The following PTGER3 variants were observed in gnomAD, a reference collection of about 807,000 sequenced individuals.
The protein encoded by PTGER3 is prostaglandin E receptor 3.
A neutral mutation model predicts 34.7 loss-of-function variants in PTGER3; 22 were observed. That is an observed-to-expected ratio of 0.63 (90% confidence interval 0.45 to 0.91). PTGER3 has a LOEUF of 0.91. Among genes scored for constraint, PTGER3 ranks in the 40% least tolerant of loss-of-function variants. The pLI, the probability that PTGER3 is intolerant of heterozygous loss-of-function variation, is 0.00. For missense variants in PTGER3, 468 were observed against 519.4 expected (o/e 0.90, Z 0.96); for synonymous variants, 241 against 230.1 (o/e 1.05, Z -0.43).
At chr1:71,045,151 C>T (rs1166214872) in intron 1 of PTGER3, among the ~76,000 whole-genome samples, 1 of 152,162 alleles carries the variant, frequency 6.6e-6, no homozygotes, top group Non-Finnish European at 1.5e-5. Context: ...CTCAGCATAA[C>T]ACTCCTTGTC....
At chr1:70,904,494 T>A (rs1228229212) in intron 4 of PTGER3, among the ~76,000 whole-genome samples, 1 of 152,192 alleles carries the variant, frequency 6.6e-6, no homozygotes, top group East Asian at 1.9e-4. Flanking sequence ...GATAGTGATA[T>A]GAACGATAAA....
intron 4 of PTGER3, among the ~76,000 whole-genome samples, chr1:70,887,341 T>A (rs1646520005): frequency 6.6e-6 from 1 of 152,190 alleles, no homozygotes; most frequent in East Asian, 1.9e-4. Context: ...AGCTTTAGGT[T>A]ATGGTCTGCT....
intron 4 of PTGER3, among the ~76,000 whole-genome samples, chr1:70,907,043 T>C (rs1414799355): frequency 2.0e-5 from 3 of 152,186 alleles, no homozygotes; most frequent in East Asian, 1.9e-4. Context: ...TCTTAGCAAG[T>C]TGTATTAGAT....
At chr1:70,962,427 T>C (rs1177912467) in intron 2 of PTGER3, among the ~76,000 whole-genome samples, 1 of 150,746 alleles carries the variant, frequency 6.6e-6, no homozygotes, top group Non-Finnish European at 1.5e-5. Context: ...AACTGGGCAG[T>C]GTATTAGTCT....
chr1:70,924,075 C>T (rs905981861), intron 4 of PTGER3, among the ~76,000 whole-genome samples: 1 of 152,062 alleles, frequency 6.6e-6, no homozygotes, highest in Non-Finnish European at 1.5e-5. Flanking sequence ...GGCCCAGGAG[C>T]CCCAAGTTAT....
chr1:70,858,816 A>T (rs908894129), intron 4 of PTGER3, among the ~76,000 whole-genome samples: 2 of 152,170 alleles, frequency 1.3e-5, no homozygotes, highest in African/African-American at 4.8e-5. Flanking sequence ...TGTTTCAACT[A>T]CCTCACAGAG....
rs1202063784 is a variant in PTGER3 at position 70,920,173 on chromosome 1, A to G, written c.*23+33590T>C. ...AGAATATGGGTGACAAGGTGAAATG[A>G]AGAATATGAGTGACAAGGTGAAATG... is the stretch of plus-strand genomic sequence containing the variant. On this transcript the variant is annotated intron_variant, in intron 4 of 4. Coordinates refer to the PTGER3 transcript ENST00000370931. 2.0e-5 allele frequency among the ~76,000 whole-genome samples: 3 copies of G among 152,190 alleles called. No individual in the cohort carries two copies. In the East Asian group the frequency reaches 5.8e-4, roughly 29 times the overall value.
chr1:70,967,599 T>C (rs1343060888), downstream of PTGER3, among the ~76,000 whole-genome samples: 1 of 152,154 alleles, frequency 6.6e-6, no homozygotes, highest in Non-Finnish European at 1.5e-5. Context: ...ATTTTTAGTA[T>C]GGCAATTAAA....
chr1:70,860,306 CTTCAT>C (rs1196496651), intron 4 of PTGER3, among the ~76,000 whole-genome samples: 1 of 152,122 alleles, frequency 6.6e-6, no homozygotes. Context: ...TTTTATTCAA[CTTCAT>C]TTCATTATAA....
At chr1:70,931,503 C>A (rs1230945595) in intron 4 of PTGER3, among the ~76,000 whole-genome samples, 1 of 152,230 alleles carries the variant, frequency 6.6e-6, no homozygotes, top group Non-Finnish European at 1.5e-5. Flanking sequence ...GCCCCTGCAG[C>A]AAACTTTCTC....
chr1:70,953,918 A>C, intron 2 of PTGER3: 1 of 483,112 alleles, frequency 2.1e-6, no homozygotes, highest in South Asian at 3.2e-5. Context: ...AAATAGACTA[A>C]AAGTATAGCA....
intron 4 of PTGER3, among the ~76,000 whole-genome samples, chr1:70,901,581 C>T (rs1646839909): frequency 6.6e-6 from 1 of 152,126 alleles, no homozygotes; most frequent in South Asian, 2.1e-4. Context: ...GCTGCACTGG[C>T]ACCATGATTA....
At chr1:70,947,296 A>G (rs1224079361) in intron 4 of PTGER3, 1 of 152,144 alleles carries the variant, frequency 6.6e-6, no homozygotes, top group African/African-American at 2.4e-5. Flanking sequence ...AGGTAAATGA[A>G]TCATGGGGGC....
chr1:71,009,133 C>G lies in PTGER3; in HGVS notation c.1077+3172G>C, dbSNP rs1333113146. On this transcript the variant is annotated intron_variant, in intron 2 of 3. Coordinates refer to ENST00000306666, the MANE Select transcript of PTGER3 (RefSeq NM_198719.2). ...TAAAAAGCGTTGAATAAATAAAAAG[C>G]CTAATCTACTTGAAAATCCAATATT... 5.1e-6 allele frequency: 5 copies of G among 984,914 alleles called. No individual in the cohort carries two copies. The African/African-American group carries it at 8.7e-5, about 17-fold the overall frequency. The allele number at this position is 984,914 out of a possible 1,614,324, so 61.0% of individuals were successfully genotyped here.
At chr1:71,003,299 T>C (rs1656654241) in intron 2 of PTGER3, among the ~76,000 whole-genome samples, 1 of 152,220 alleles carries the variant, frequency 6.6e-6, no homozygotes, top group Non-Finnish European at 1.5e-5. Flanking sequence ...CCTATAGAAG[T>C]ATAAATAGAT....
chr1:71,031,676 T>C (rs1195715515), intron 1 of PTGER3, among the ~76,000 whole-genome samples: 1 of 152,170 alleles, frequency 6.6e-6, no homozygotes, highest in Non-Finnish European at 1.5e-5. Flanking sequence ...AAGTTCATCA[T>C]CAAGAACATC....
intron 4 of PTGER3, among the ~76,000 whole-genome samples, chr1:70,904,670 G>T (rs1335172319): frequency 6.6e-6 from 1 of 152,170 alleles, no homozygotes; most frequent in Non-Finnish European, 1.5e-5. Context: ...TCTGGTGGAA[G>T]AAATTTCTAA....
At chr1:71,046,187 G>A (rs1660776675) in intron 1 of PTGER3, among the ~76,000 whole-genome samples, 1 of 149,618 alleles carries the variant, frequency 6.7e-6, no homozygotes. Context: ...CGGAGAGGCT[G>A]AGGCAGGAGA....
chr1:70,978,396 T>C (rs889454834), intron 2 of PTGER3, among the ~76,000 whole-genome samples: 2 of 152,182 alleles, frequency 1.3e-5, no homozygotes, highest in African/African-American at 4.8e-5. Flanking sequence ...AACTAAATTT[T>C]ATATTGTTCG....
Sources: gnomAD v4.1 joint callset for allele counts (sites outside exome capture counted in the v4.1 genomes callset) on GRCh38, gnomAD v4.1.1 for gene constraint, MANE v1.5 for transcripts, NCBI Gene and HGNC (gene_info 2026-07-23, HGNC 2026-07-21) for gene names.